PARP14: variants seen among roughly 807,000 people sequenced by gnomAD.
PARP14 encodes poly(ADP-ribose) polymerase family member 14.
PARP14 carries 59 observed loss-of-function variants against 154.2 expected under a neutral mutation model. The ratio of observed to expected loss-of-function variants is 0.38; its 90% CI spans 0.31 to 0.48. PARP14 has a LOEUF of 0.48. Among genes scored for constraint, PARP14 ranks in the 20% least tolerant of loss-of-function variants. The pLI, the probability that PARP14 is intolerant of heterozygous loss-of-function variation, is 0.98. For missense variants in PARP14, 1,734 were observed against 2,131.6 expected (o/e 0.81, Z 3.67); for synonymous variants, 720 against 780.5 (o/e 0.92, Z 1.29).
At chr3:122,711,547 T>C (rs1222693030) in intron 9 of PARP14, among the ~76,000 whole-genome samples, 1 of 152,182 alleles carries the variant, frequency 6.6e-6, no homozygotes, top group African/African-American at 2.4e-5. Flanking sequence ...TCTGTAGTTT[T>C]TTTTTGTTGT....
intron 9 of PARP14, among the ~76,000 whole-genome samples, chr3:122,711,481 T>C (rs969335705): frequency 2.0e-5 from 3 of 152,246 alleles, no homozygotes; most frequent in Admixed American, 6.5e-5. Flanking sequence ...CTGTTGGATT[T>C]TGTTAGCTCA....
At chr3:122,723,096 C>T (rs553343905) in intron 15 of PARP14, among the ~76,000 whole-genome samples, 34 of 152,188 alleles carry the variant, frequency 2.2e-4, no homozygotes, top group Middle Eastern at 3.4e-3. Flanking sequence ...CCACCACACC[C>T]GGCTAATTTT....
intron 8 of PARP14, among the ~76,000 whole-genome samples, chr3:122,705,887 C>T (rs1302792996): frequency 6.6e-6 from 1 of 152,206 alleles, no homozygotes; most frequent in Non-Finnish European, 1.5e-5. Flanking sequence ...ATTAGTTACT[C>T]TTCTGTGCAA....
chr3:122,685,167 C>T lies in PARP14; in HGVS notation c.188-18C>T. ...ATTGCTTGTCATTTGTCTTTTTTCC[C>T]CCCTTTGGACATTTCAGTTCGGCAG... On this transcript the variant is annotated intron_variant, in intron 1 of 16. Transcript: ENST00000474629. 1 of 1,604,210 alleles carries T rather than the reference C, an allele frequency of 6.2e-7. No homozygotes were observed. Among genetic ancestry groups the T allele is most frequent in the Non-Finnish European group, 8.5e-7 (1 of 1,174,080 alleles).
At position 122,681,575 on chromosome 3, in the gene PARP14, C is replaced by G; in HGVS notation, c.187+505C>G. On this transcript the variant is annotated intron_variant, in intron 1 of 16. Transcript: ENST00000474629. The surrounding 1 kb of genome is among the most constrained non-coding windows in gnomAD (Gnocchi z 5.5). The stretch of plus-strand genomic sequence containing the variant: ...GGCAGAGGCGCTACCTAAAATCACA[C>G]TGCCTGAATGTCAACGTAGAGCCGT... 6.6e-6 allele frequency among the ~76,000 whole-genome samples: 1 copy of G among 152,166 alleles called. No homozygotes were observed. The highest frequency in any genetic ancestry group is 1.9e-4 in the East Asian group (1 of 5,192).
In PARP14 at chr3:122,691,564, T is replaced by A. The variant is rs114358730; in HGVS notation, c.356-737T>A. ...CTTAACTATTTTTTGGAGTATAATG[T>A]GTTAGGTGATACCCATGTTTGGGCA... On this transcript the variant is annotated intron_variant, in intron 3 of 16. Coordinates refer to ENST00000474629, the MANE Select transcript of PARP14 (RefSeq NM_017554.3). Among the ~76,000 whole-genome samples, 704 of 152,304 alleles carry A rather than the reference T, an allele frequency of 4.6e-3. 7 individuals are homozygous for A. The highest frequency in any genetic ancestry group is 0.016 in the African/African-American group (666 of 41,554).
intron 6 of PARP14, among the ~76,000 whole-genome samples, chr3:122,703,104 G>A (rs193117206): frequency 1.3e-5 from 2 of 151,352 alleles, no homozygotes; most frequent in Admixed American, 1.3e-4. Context: ...TAACTGCTCT[G>A]CATTACTCCT....
Position 122,729,985 on chromosome 3 carries a change from C to T in PARP14, c.*1388C>T, listed in dbSNP as rs1390603541. On this transcript the variant is annotated 3_prime_UTR_variant, in exon 17 of 17. Coordinates refer to ENST00000474629, the MANE Select transcript of PARP14 (RefSeq NM_017554.3). Reference sequence around the variant, plus strand: ...AATGGTGAAGTTTTAAAAATTTCCCCAGGTAAGTTTAAGATTCAAACACCA... The same window carrying T: ...AATGGTGAAGTTTTAAAAATTTCCCTAGGTAAGTTTAAGATTCAAACACCA... 1 of 152,176 alleles carries T rather than the reference C, an allele frequency of 6.6e-6. No homozygotes were observed. Among genetic ancestry groups the T allele is most frequent in the Non-Finnish European group, 1.5e-5 (1 of 68,028 alleles). The allele number at this position is 152,176 out of a possible 1,614,324, so 9.4% of individuals were successfully genotyped here.
chr3:122,718,653 G>A lies in PARP14; in HGVS notation c.4502G>A (p.Ser1501Asn). The change falls in exon 14 of 17, where the codon AGC becomes AAC. Residue 1501 changes from serine to asparagine, a missense_variant. Coordinates refer to ENST00000474629, the MANE Select transcript of PARP14 (RefSeq NM_017554.3). ...KRPLIKVLGISRDVMQARDEI... is the reference protein window; with the variant it reads ...KRPLIKVLGINRDVMQARDEI... ...CCTTTGATTAAGGTTTTGGGAATTAGCAGAGATGTGATGCAGGCTAGAGAT... is the reference window on the plus strand; with the variant it reads ...CCTTTGATTAAGGTTTTGGGAATTAACAGAGATGTGATGCAGGCTAGAGAT... 6.2e-7 allele frequency: 1 copy of A among 1,613,956 alleles called. No individual in the cohort carries two copies. Among genetic ancestry groups the A allele is most frequent in the South Asian group, 1.1e-5 (1 of 91,076 alleles).
At chr3:122,713,677 A>G in intron 10 of PARP14, 104 bp downstream of exon 10, 1 of 1,078,512 alleles carries the variant, frequency 9.3e-7, no homozygotes. Context: ...TTAATTAATA[A>G]CTTTTAAATT....
At chr3:122,723,427 T>C (rs1234929757) in intron 15 of PARP14, among the ~76,000 whole-genome samples, 1 of 152,168 alleles carries the variant, frequency 6.6e-6, no homozygotes, top group African/African-American at 2.4e-5. Context: ...TTAAGCCAAT[T>C]GTATTGTAGA....
Position 122,700,876 on chromosome 3 carries a change from A to C in PARP14, c.2322A>C (p.Glu774Asp). ...AACGGTTGTTTGGTTGTTACATTGA[A>C]CTACAGGAGAATGAAGTAATGAAGG... ...EIKRLFGCYI[E>D]LQENEVMKEG... Residue 774 changes from glutamate (E) to aspartate (D), a missense_variant, in exon 6 of 17, where the codon GAA becomes GAC. Around this residue, in one of 2 missense-constraint regions of PARP14, gnomAD observed 1,646 missense variants for 1,976.0 expected, o/e 0.83. Transcript: ENST00000474629. 1 of 1,614,034 alleles carries C rather than the reference A, an allele frequency of 6.2e-7. No homozygotes were observed. Among genetic ancestry groups the C allele is most frequent in the Non-Finnish European group, 8.5e-7 (1 of 1,179,902 alleles).
rs774999991 is a variant in PARP14 at position 122,701,235 on chromosome 3, T to G, written c.2681T>G (p.Val894Gly). 6.2e-7 allele frequency: 1 copy of G among 1,613,686 alleles called. No homozygotes were observed. The highest frequency in any genetic ancestry group is 8.5e-7 in the Non-Finnish European group (1 of 1,179,736). The change falls in exon 6 of 17, where the codon GTG (valine) becomes GGG (glycine). Residue 894 changes from valine to glycine, a missense_variant. Val to Gly is a moderately radical substitution (Grantham distance 109). Coordinates refer to ENST00000474629, the MANE Select transcript of PARP14 (RefSeq NM_017554.3). This position sits in a 1 kb window ranked among gnomAD's most constrained non-coding sequence, Gnocchi z 4.0. ...AGCGGATATGAGGCCCCGAGGTGTG[T>G]GTACCTATTAAGGAGAGCTGTGCAA... ...RWSGYEAPRC[V>G]YLLRRAVQLS...
In PARP14 at chr3:122,680,891, T is replaced by C; in HGVS notation, c.8T>C (p.Val3Ala). The C allele has an allele frequency of 6.2e-7, 1 of 1,604,704 alleles. No homozygotes were observed. The highest frequency in any genetic ancestry group is 8.5e-7 in the Non-Finnish European group (1 of 1,176,166). Residue 3 changes from valine (V) to alanine (A), a missense_variant, in exon 1 of 17, where the codon GTG becomes GCG. This residue lies in a region of PARP14 where 1,646 missense variants were observed against 1,976.0 expected (regional missense o/e 0.83). Coordinates refer to ENST00000474629, the MANE Select transcript of PARP14 (RefSeq NM_017554.3). ...CGGAGAGCGGAGCTGAGGATGGCTG[T>C]GCCCGGCTCCTTCCCGCTGCTGGTC... Reference protein sequence around the residue: MAVPGSFPLLVEG... With the variant: MAAPGSFPLLVEG...
At chr3:122,706,117 T>C (rs945039081) in intron 8 of PARP14, among the ~76,000 whole-genome samples, 1 of 152,226 alleles carries the variant, frequency 6.6e-6, no homozygotes, top group African/African-American at 2.4e-5. Flanking sequence ...GACACAGACC[T>C]GAACCTTCAA....
At position 122,728,984 on chromosome 3, in the gene PARP14, G is replaced by T; in HGVS notation, c.*387G>T. ...TGTCAGGATGCCATAGTGCTGTGGGGAGCACAGTATTACCCAGTGGGTAGG... is the reference window on the plus strand; with the variant it reads ...TGTCAGGATGCCATAGTGCTGTGGGTAGCACAGTATTACCCAGTGGGTAGG... On this transcript the variant is annotated 3_prime_UTR_variant, in exon 17 of 17. Transcript: ENST00000474629. 1 of 209,620 alleles carries T rather than the reference G, an allele frequency of 4.8e-6. No individual in the cohort carries two copies. Among genetic ancestry groups the T allele is most frequent in the Non-Finnish European group, 9.7e-6 (1 of 102,864 alleles). The allele number at this position is 209,620 out of a possible 1,614,324, so 13.0% of individuals were successfully genotyped here. A position where few individuals can be genotyped will look rare whatever the true frequency, so the allele number is the denominator to read the frequency against.
chr3:122,717,989 G>A (rs1223805463), intron 12 of PARP14, 82 bp from the exon 13 acceptor site: 7 of 1,010,238 alleles, frequency 6.9e-6, no homozygotes, highest in Non-Finnish European at 6.1e-6. Context: ...TATTCTCTGA[G>A]CATTGGAAAC....
At chr3:122,684,023 C>G (rs969178033) in intron 1 of PARP14, among the ~76,000 whole-genome samples, 3 of 152,132 alleles carry the variant, frequency 2.0e-5, no homozygotes, top group Admixed American at 6.5e-5. Context: ...TAGAAGCTGG[C>G]GTTCCTTCTC....
rs752297915 is a variant in PARP14, at chr3:122,701,183, G to A, written c.2629G>A (p.Val877Met). 2.4e-5 allele frequency: 38 copies of A among 1,613,500 alleles called. No homozygotes were observed. The highest frequency in any genetic ancestry group is 2.9e-5 in the Non-Finnish European group (34 of 1,179,706). ...SKAGKLPYHH[V>M]IHAVGPRWSG... is the part of the protein sequence containing the mutation. Reference sequence around the variant, plus strand: ...GGCAGGAAAGCTGCCCTACCACCACGTGATCCATGCAGTGGGGCCCCGCTG... The same window carrying A: ...GGCAGGAAAGCTGCCCTACCACCACATGATCCATGCAGTGGGGCCCCGCTG... Residue 877 changes from valine to methionine, a missense_variant, in exon 6 of 17, where the codon GTG (valine) becomes ATG (methionine). Transcript: ENST00000474629. The surrounding 1 kb of genome is among the most constrained non-coding windows in gnomAD (Gnocchi z 4.0).
Sources: gnomAD v4.1 joint callset for allele counts (sites outside exome capture counted in the v4.1 genomes callset) on GRCh38, gnomAD v4.1.1 for gene constraint, gnomAD v4.1.1 regional missense constraint, Gnocchi (gnomAD v3.1) non-coding constraint, MANE v1.5 for transcripts, NCBI Gene and HGNC (gene_info 2026-07-23, HGNC 2026-07-21) for gene names.